The following GALC variants were observed in gnomAD, a reference collection of about 807,000 sequenced individuals.
GALC encodes galactosylceramidase.
GALC carries 77 observed loss-of-function variants against 91.8 expected under a neutral mutation model. The observed-to-expected ratio is 0.84, with a 90% CI of 0.70 to 1.01. The LOEUF (loss-of-function observed/expected upper bound fraction) is 1.01, where lower values mean the gene tolerates loss of function less well. Ranked by LOEUF, GALC falls within the 50% of genes least tolerant of loss-of-function variation. GALC has a pLI of 0.00. For missense variants in GALC, 882 were observed against 855.9 expected (o/e 1.03, Z -0.38); for synonymous variants, 357 against 306.7 (o/e 1.16, Z -1.71).
intron 10 of GALC, among the ~76,000 whole-genome samples, chr14:87,961,252 C>T (rs1885788463): frequency 6.6e-6 from 1 of 152,112 alleles, no homozygotes; most frequent in African/African-American, 2.4e-5. Context: ...TATTGAACTA[C>T]AATAACATAG....
rs112016425 is a variant in GALC at position 87,976,649 on chromosome 14, TC to T, written c.622-162del. On this transcript the variant is annotated intron_variant, in intron 6 of 16. Coordinates refer to ENST00000261304, the MANE Select transcript of GALC (RefSeq NM_000153.4). ...TGTTTTTCTCAGACAGAGGCTTCTCTCGTCGCCCAGGCTGGAGTGCAGTGGC... is the reference window on the plus strand; with the variant it reads ...TGTTTTTCTCAGACAGAGGCTTCTCTGTCGCCCAGGCTGGAGTGCAGTGGC... 0.13 allele frequency: 82,082 copies of T among 632,098 alleles called. 6,185 individuals carry two copies. The highest frequency in any genetic ancestry group is 0.15 in the Non-Finnish European group (56,368 of 364,482). 39.2% of individuals were successfully genotyped at this position (632,098 alleles called of 1,614,324 possible).
At chr14:87,970,234 G>C (rs182250619) in intron 7 of GALC, among the ~76,000 whole-genome samples, 1 of 152,120 alleles carries the variant, frequency 6.6e-6, no homozygotes, top group Admixed American at 6.5e-5. Flanking sequence ...CCAAATGCAT[G>C]TTTGGTGTAT....
At position 87,934,673 on chromosome 14, in the gene GALC, A is replaced by C; in HGVS notation, c.*59T>G. On this transcript the variant is annotated 3_prime_UTR_variant, in exon 17 of 17. Transcript: ENST00000261304. Reference sequence around the variant, plus strand: ...TCCAATGAAACAAGAATTGGCTCTGAACCAAAACCAAAAAGAAGGGAAGAA... The same window carrying C: ...TCCAATGAAACAAGAATTGGCTCTGCACCAAAACCAAAAAGAAGGGAAGAA... 1 of 1,611,082 alleles carries C rather than the reference A, an allele frequency of 6.2e-7. No individual in the cohort carries two copies. Among genetic ancestry groups the C allele is most frequent in the Non-Finnish European group, 8.5e-7 (1 of 1,178,638 alleles).
At chr14:87,954,890 C>T (rs779695632) in intron 10 of GALC, 342 of 1,585,492 alleles carry the variant, frequency 2.2e-4, no homozygotes, top group Non-Finnish European at 1.9e-4. Flanking sequence ...TACTATAGGC[C>T]AGCTTTAATG....
upstream of GALC, chr14:87,993,206 C>G: frequency 6.4e-7 from 1 of 1,553,530 alleles, no homozygotes; most frequent in Non-Finnish European, 8.7e-7. Flanking sequence ...AGGCGGGTCC[C>G]GTCGCCGCCA....
At chr14:87,992,631 T>C in intron 1 of GALC, 2 of 1,449,126 alleles carry the variant, frequency 1.4e-6, no homozygotes, top group Non-Finnish European at 1.8e-6. Flanking sequence ...ATCTCCGCGA[T>C]GAAGACAGCC....
At position 87,950,722 on chromosome 14, in the gene GALC, C is replaced by A. The variant is rs1348158663; in HGVS notation, c.1188G>T (p.Arg396=). ...ACACATTGAAATAAGGAAGAAATGG[C>A]CGTATGCACTTAGAATGTTTATGAC... ...TMSHKHSKCI[R]PFLPYFNVSQ... Residue 396 remains arginine, a synonymous_variant, in exon 11 of 17, where the codon CGG becomes CGT. Transcript: ENST00000261304. The A allele has an allele frequency of 5.0e-6, 8 of 1,601,260 alleles. No homozygotes were observed. The highest frequency in any genetic ancestry group is 2.7e-5 in the African/African-American group (2 of 72,900).
At chr14:87,968,609 A>T in intron 7 of GALC, 119 bp from the exon 8 acceptor site, 1 of 948,164 alleles carries the variant, frequency 1.1e-6, no homozygotes, top group Non-Finnish European at 1.7e-6. Flanking sequence ...ATTTTAAAAC[A>T]GTTGGGTAGC....
chr14:87,961,969 GT>G (rs1297232498), intron 10 of GALC, among the ~76,000 whole-genome samples: 1 of 152,120 alleles, frequency 6.6e-6, no homozygotes. Flanking sequence ...TATAAATTTA[GT>G]TTTGGGTGCT....
chr14:87,972,118 T>C (rs1309212564), intron 7 of GALC, among the ~76,000 whole-genome samples: 1 of 151,914 alleles, frequency 6.6e-6, no homozygotes, highest in Non-Finnish European at 1.5e-5. Context: ...TAGCCCAAAA[T>C]TGGAAACAGT....
At chr14:87,952,876 T>G in intron 10 of GALC, 1 of 1,063,766 alleles carries the variant, frequency 9.4e-7, no homozygotes, top group Non-Finnish European at 1.5e-6. Flanking sequence ...GAAAGCATAG[T>G]TCTGCATTTA....
At chr14:87,958,089 C>A (rs1287285382) in intron 10 of GALC, among the ~76,000 whole-genome samples, 2 of 152,136 alleles carry the variant, frequency 1.3e-5, no homozygotes, top group African/African-American at 4.8e-5. Flanking sequence ...GGAGGTATCA[C>A]ATTATCTAAC....
In GALC at chr14:87,952,865, T is replaced by G. The variant is rs1885369540; in HGVS notation, c.1162-2117A>C. 3.6e-6 allele frequency: 4 copies of G among 1,115,586 alleles called. No homozygotes were observed. In the East Asian group the frequency reaches 9.6e-5, roughly 27 times the overall value. 69.1% of individuals were successfully genotyped at this position (1,115,586 alleles called of 1,614,324 possible). On this transcript the variant is annotated intron_variant, in intron 10 of 16. Coordinates refer to ENST00000261304, the MANE Select transcript of GALC (RefSeq NM_000153.4). ...GCTCTAATATGCAAATATGTGGATT[T>G]GAAAGCATAGTTCTGCATTTAACTG...
chr14:87,951,601 T>TC (rs1885312163), intron 10 of GALC, among the ~76,000 whole-genome samples: 1 of 151,916 alleles, frequency 6.6e-6, no homozygotes, highest in African/African-American at 2.4e-5. Flanking sequence ...ATAAAGCAAG[T>TC]CCTCATAAAT....
At position 87,968,106 on chromosome 14, in the gene GALC, C is replaced by T. The variant is rs189788968; in HGVS notation, c.908+229G>A. Among the ~76,000 whole-genome samples, 960 of 152,126 alleles carry T rather than the reference C, an allele frequency of 6.3e-3. 7 individuals are homozygous for T. The highest frequency in any genetic ancestry group is 6.3e-3 in the Non-Finnish European group (427 of 67,980). The stretch of plus-strand genomic sequence containing the variant: ...TCAGAGAGCTGCATGTATTTTGCTA[C>T]ATATAAATTATACCTCAATAAACCT... On this transcript the variant is annotated intron_variant, in intron 8 of 16. Coordinates refer to ENST00000261304, the MANE Select transcript of GALC (RefSeq NM_000153.4).
chr14:87,968,605 A>G (rs1220610054), intron 7 of GALC, 115 bp from the exon 8 acceptor site: 11 of 1,008,424 alleles, frequency 1.1e-5, no homozygotes, highest in Admixed American at 2.0e-5. Context: ...TTCTATTTTA[A>G]AACAGTTGGG....
At chr14:87,989,704 T>C (rs1238226074) in intron 1 of GALC, 2 of 152,198 alleles carry the variant, frequency 1.3e-5, no homozygotes, top group Non-Finnish European at 2.9e-5. Flanking sequence ...ATAAGTGGTC[T>C]CAGGACATCC....
intron 10 of GALC, among the ~76,000 whole-genome samples, chr14:87,962,220 G>A (rs1323160199): frequency 2.0e-5 from 3 of 152,154 alleles, no homozygotes; most frequent in East Asian, 1.9e-4. Context: ...AGGGAGTGGG[G>A]AGTAGGGAGG....
intron 7 of GALC, among the ~76,000 whole-genome samples, chr14:87,968,891 G>A (rs1025939751): frequency 6.6e-6 from 1 of 152,132 alleles, no homozygotes; most frequent in Non-Finnish European, 1.5e-5. Context: ...CTTCCCAGGG[G>A]AAGCTAAGGA....
Sources: allele counts gnomAD v4.1 joint callset (sites outside exome capture counted in the v4.1 genomes callset), GRCh38; gene constraint gnomAD v4.1.1; transcripts MANE v1.5; gene names NCBI Gene and HGNC (gene_info 2026-07-23, HGNC 2026-07-21).